The following SCN10A variants were observed in gnomAD, a reference collection of about 807,000 sequenced individuals.
The protein encoded by SCN10A is sodium channel protein type 10 subunit alpha.
In SCN10A, 162 loss-of-function variants were observed where a neutral mutation model predicts 170.7. The observed-to-expected ratio is 0.95, with a 90% CI of 0.84 to 1.08. The LOEUF is 1.08. SCN10A is among the 50% of genes least tolerant of loss of function. SCN10A has a pLI of 0.00. For synonymous variants in SCN10A, 985 were observed against 904.6 expected (o/e 1.09, Z -1.59); for missense variants, 2,527 against 2,436.9 (o/e 1.04, Z -0.78).
At chr3:38,712,078 C>T in intron 23 of SCN10A, 83 bp downstream of exon 23, 5 of 1,392,774 alleles carry the variant, frequency 3.6e-6, no homozygotes, top group Non-Finnish European at 5.0e-6. Context: ...AAAGTCCCCA[C>T]ATAGCATCTT....
rs1180592093 is a variant in SCN10A, at chr3:38,772,736, CAA to C, written c.471-1331_471-1330del. ...ACAACAACAACAACAAAAACAAAAA[CAA>C]AAAAAAAAAAACCTGTACTAATATT... On this transcript the variant is annotated intron_variant, in intron 4 of 27. Coordinates refer to ENST00000449082, the MANE Select transcript of SCN10A (RefSeq NM_006514.4). 2.3e-3 allele frequency among the ~76,000 whole-genome samples: 206 copies of C among 89,446 alleles called. 1 individual carries two copies. Among genetic ancestry groups the C allele is most frequent in the African/African-American group, 7.2e-3 (180 of 25,122 alleles). 58.7% of individuals were successfully genotyped at this position (89,446 alleles called of 152,430 possible). A position where few individuals can be genotyped will look rare whatever the true frequency, so the allele number is the denominator to read the frequency against.
intron 20 of SCN10A, among the ~76,000 whole-genome samples, chr3:38,721,736 GATTAA>G (rs2063391932): frequency 6.6e-6 from 1 of 152,228 alleles, no homozygotes; most frequent in Admixed American, 6.5e-5. Flanking sequence ...GCTCCTGGGA[GATTAA>G]ATTTTGAGAA....
intron 4 of SCN10A, among the ~76,000 whole-genome samples, chr3:38,783,359 C>A (rs2064161259): frequency 6.6e-6 from 1 of 152,036 alleles, no homozygotes; most frequent in African/African-American, 2.4e-5. Context: ...CTTTTTCTTG[C>A]CTTACTTTAT....
intron 15 of SCN10A, among the ~76,000 whole-genome samples, chr3:38,737,550 G>T (rs969921945): frequency 3.9e-5 from 6 of 152,286 alleles, no homozygotes; most frequent in African/African-American, 1.4e-4. Flanking sequence ...TTAGGCAGAT[G>T]CCATCAACCA....
At chr3:38,780,366 G>A (rs1226867145) in intron 4 of SCN10A, among the ~76,000 whole-genome samples, 2 of 151,904 alleles carry the variant, frequency 1.3e-5, no homozygotes, top group East Asian at 3.9e-4. Context: ...ATCACCGTGA[G>A]GAGTATTTTT....
chr3:38,773,798 G>A (rs768620339), intron 4 of SCN10A, among the ~76,000 whole-genome samples: 12 of 152,136 alleles, frequency 7.9e-5, no homozygotes, highest in Non-Finnish European at 1.6e-4. Context: ...AACTGTAACA[G>A]GAAGATGAGG....
At chr3:38,778,777 C>A (rs1458463612) in intron 4 of SCN10A, among the ~76,000 whole-genome samples, 1 of 152,016 alleles carries the variant, frequency 6.6e-6, no homozygotes, top group East Asian at 1.9e-4. Flanking sequence ...CAACTAATGG[C>A]TATTATCAAT....
intron 12 of SCN10A, among the ~76,000 whole-genome samples, chr3:38,750,934 C>T (rs1311944338): frequency 2.0e-5 from 3 of 152,198 alleles, no homozygotes; most frequent in Non-Finnish European, 2.9e-5. Context: ...TGCAGGATGC[C>T]TTTGACTTTA....
At position 38,771,261 on chromosome 3, in the gene SCN10A, G is replaced by A. The variant is rs745850175; in HGVS notation, c.599+18C>T. 6.2e-7 allele frequency: 1 copy of A among 1,612,808 alleles called. No individual in the cohort carries two copies. Among genetic ancestry groups the A allele is most frequent in the Admixed American group, 1.7e-5 (1 of 59,992 alleles). ...CCTCTCCTATCACACATGCAGATCT[G>A]CATAGAGATATACTCACGCCAGGGT... On this transcript the variant is annotated intron_variant, in intron 5 of 27. Transcript: ENST00000449082.
chr3:38,726,974 C>T lies in SCN10A; in HGVS notation c.2719G>A (p.Val907Met). 1 of 1,614,238 alleles carries T rather than the reference C, an allele frequency of 6.2e-7. No homozygotes were observed. The highest frequency in any genetic ancestry group is 8.5e-7 in the Non-Finnish European group (1 of 1,180,030). The change falls in exon 17 of 28, where the codon GTG becomes ATG. Residue 907 changes from valine to methionine, a missense_variant. Transcript: ENST00000449082. ...NLTAPEDDGE[V>M]NNLQVALARI... ...GCCAGGGCCACCTGCAGGTTGTTCA[C>T]CTCCCCATCGTCCTCCGGGGCTGTG... is the stretch of plus-strand genomic sequence containing the variant.
chr3:38,747,735 G>C (rs2063706359), intron 13 of SCN10A, among the ~76,000 whole-genome samples: 1 of 152,156 alleles, frequency 6.6e-6, no homozygotes, highest in Admixed American at 6.5e-5. Flanking sequence ...CATGCATTTT[G>C]CTTGTTGCTA....
At chr3:38,703,558 T>C (rs1020937868) in intron 26 of SCN10A, among the ~76,000 whole-genome samples, 1 of 152,200 alleles carries the variant, frequency 6.6e-6, no homozygotes, top group Non-Finnish European at 1.5e-5. Flanking sequence ...CTTCCCATAA[T>C]ATTAGATCCA....
chr3:38,742,359 TG>T lies in SCN10A; in HGVS notation c.2037del (p.Ile680SerfsTer10). 1.2e-6 allele frequency: 2 copies of T among 1,614,166 alleles called. No individual in the cohort carries two copies. The highest frequency in any genetic ancestry group is 1.7e-6 in the Non-Finnish European group (2 of 1,180,024). ...CCATGGTGCTCCATGGCCATGAAGA[TG>T]GTGTTCACCACGATGCACAAGGTGA... is the stretch of plus-strand genomic sequence containing the variant. ...LTITLCIVVNTIFMAMEHHGM... is the reference protein window; with the variant it reads ...LTITLCIVVNXIFMAMEHHGM... On this transcript the variant is annotated frameshift_variant, in exon 14 of 28. Coordinates refer to ENST00000449082, the MANE Select transcript of SCN10A (RefSeq NM_006514.4). LOFTEE classifies it high-confidence loss of function.
chr3:38,735,036 G>C (rs1227148371), intron 15 of SCN10A, among the ~76,000 whole-genome samples: 3 of 152,106 alleles, frequency 2.0e-5, no homozygotes, highest in East Asian at 3.9e-4. Context: ...CAGGCATGGT[G>C]GTGGGTGCCT....
intron 5 of SCN10A, among the ~76,000 whole-genome samples, chr3:38,768,130 C>T (rs535253686): frequency 6.6e-6 from 1 of 151,726 alleles, no homozygotes; most frequent in South Asian, 2.1e-4. Context: ...TATGTGGCTC[C>T]TTATGTGTTA....
rs2063899867 is a variant in SCN10A, at chr3:38,763,580, T to C, written c.616A>G (p.Ile206Val). 1.2e-6 allele frequency: 2 copies of C among 1,613,934 alleles called. No individual in the cohort carries two copies. Among genetic ancestry groups the C allele is most frequent in the Non-Finnish European group, 1.7e-6 (2 of 1,179,828 alleles). The change falls in exon 6 of 28, where the codon ATA (isoleucine) becomes GTA (valine). Residue 206 changes from isoleucine to valine, a missense_variant. Ile to Val is a conservative substitution (Grantham distance 29). Coordinates refer to ENST00000449082, the MANE Select transcript of SCN10A (RefSeq NM_006514.4). ...AGGCCTGAGATCCCACGGAGATCTA[T>C]TGCTGTGCCAACATATCTGTAGGAC... ...VITLAYVGTAIDLRGISGLRT... is the reference protein window; with the variant it reads ...VITLAYVGTAVDLRGISGLRT...
At chr3:38,726,494 T>C (rs1032139337) in intron 17 of SCN10A, 112 bp downstream of exon 17, 40 of 865,972 alleles carry the variant, frequency 4.6e-5, no homozygotes, top group Middle Eastern at 3.1e-4. Flanking sequence ...CTTGGCATGG[T>C]TTAAACTTCT....
intron 21 of SCN10A, among the ~76,000 whole-genome samples, chr3:38,717,071 G>C (rs2063341062): frequency 6.6e-6 from 1 of 152,182 alleles, no homozygotes; most frequent in South Asian, 2.1e-4. Context: ...TGGACAGTTG[G>C]ATAGAAGAAT....
At chr3:38,731,648 C>A (rs925383182) in intron 15 of SCN10A, among the ~76,000 whole-genome samples, 1 of 152,170 alleles carries the variant, frequency 6.6e-6, no homozygotes, top group African/African-American at 2.4e-5. Flanking sequence ...CAATTGGAAC[C>A]AGGATGGCCG....
Sources: gnomAD v4.1 joint callset for allele counts (sites outside exome capture counted in the v4.1 genomes callset) on GRCh38, gnomAD v4.1.1 for gene constraint, MANE v1.5 for transcripts, NCBI Gene and HGNC (gene_info 2026-07-23, HGNC 2026-07-21) for gene names.